F13A1: variants seen among roughly 807,000 people sequenced by gnomAD.
The protein encoded by F13A1 is coagulation factor XIII A chain.
F13A1 carries 47 observed loss-of-function variants against 80.1 expected under a neutral mutation model. That is an observed-to-expected ratio of 0.59 (90% CI 0.46 to 0.75). The LOEUF (loss-of-function observed/expected upper bound fraction) is 0.75. Among genes scored for constraint, F13A1 ranks in the 30% least tolerant of loss-of-function variants. F13A1 has a pLI of 0.00. For synonymous variants in F13A1, 349 were observed against 344.9 expected, an observed-to-expected ratio of 1.01 and a Z score of -0.13; for missense variants, 817 against 930.4, an observed-to-expected ratio of 0.88 and a Z score of 1.59.
At chr6:6,152,135 A>G (rs1217191352) in intron 13 of F13A1, among the ~76,000 whole-genome samples, 186 bp from the exon 14 acceptor site, 1 of 152,196 alleles carries the variant, frequency 6.6e-6, no homozygotes, top group Non-Finnish European at 1.5e-5. Flanking sequence ...ATGGAAATTT[A>G]CTAATTAGAA....
At chr6:6,266,909 T>G in intron 3 of F13A1, 100 bp from the exon 4 acceptor site, 1 of 1,512,960 alleles carries the variant, frequency 6.6e-7, no homozygotes, top group Non-Finnish European at 9.2e-7. Context: ...AGTAATCCAT[T>G]AGAATTATTC....
At chr6:6,147,042 A>G (rs922519303) in intron 14 of F13A1, among the ~76,000 whole-genome samples, 14 of 152,244 alleles carry the variant, frequency 9.2e-5, no homozygotes, top group African/African-American at 3.4e-4. Flanking sequence ...TTCTAAGTGA[A>G]GTAACTCAGG....
At chr6:6,221,763 T>C (rs537640646) in intron 8 of F13A1, among the ~76,000 whole-genome samples, 1 of 152,372 alleles carries the variant, frequency 6.6e-6, no homozygotes, top group South Asian at 2.1e-4. Flanking sequence ...GGAACTAGTA[T>C]AGGCATATGC....
intron 3 of F13A1, among the ~76,000 whole-genome samples, chr6:6,299,853 T>C (rs1291346958): frequency 1.4e-5 from 2 of 148,058 alleles, no homozygotes; most frequent in Non-Finnish European, 2.9e-5. Context: ...AGTTTTTCTG[T>C]TCTGTTTTTT....
chr6:6,303,330 A>G (rs900612016), intron 3 of F13A1, among the ~76,000 whole-genome samples: 18 of 152,340 alleles, frequency 1.2e-4, no homozygotes, highest in African/African-American at 3.8e-4. Flanking sequence ...AGACAACTCA[A>G]AACTCCACTG....
At chr6:6,213,333 G>A (rs1180022892) in intron 8 of F13A1, among the ~76,000 whole-genome samples, 24 of 151,890 alleles carry the variant, frequency 1.6e-4, no homozygotes, top group African/African-American at 2.4e-4. Flanking sequence ...CGGATCTCTC[G>A]GCAGAAACTC....
rs375325264 is a variant in F13A1, at chr6:6,318,596, C to A, written c.69G>T (p.Ala23=). 1.4e-5 allele frequency: 23 copies of A among 1,613,534 alleles called. No individual in the cohort carries two copies. In the South Asian group the frequency reaches 2.5e-4, roughly 18 times the overall value. ...RAVPPNNSNA[A]EDDLPTVELQ... ...GCTCCACTGTGGGCAGGTCATCTTC[C>A]GCTGCATTAGAGTTATTGGGTGGAA... The change falls in exon 2 of 15, where the codon GCG becomes GCT. Residue 23 remains alanine, a synonymous_variant. Coordinates refer to ENST00000264870, the MANE Select transcript of F13A1 (RefSeq NM_000129.4).
chr6:6,200,545 T>C (rs1345837117), intron 8 of F13A1, among the ~76,000 whole-genome samples: 2 of 137,642 alleles, frequency 1.5e-5, no homozygotes, highest in Non-Finnish European at 3.1e-5. Flanking sequence ...AGTGAGACCC[T>C]GTCTAAAAAA....
chr6:6,211,621 T>A (rs1761611777), intron 8 of F13A1, among the ~76,000 whole-genome samples: 1 of 152,106 alleles, frequency 6.6e-6, no homozygotes, highest in Non-Finnish European at 1.5e-5. Context: ...ACTAGATGAG[T>A]CATACACAGC....
At chr6:6,161,961 A>G (rs1028560879) in intron 13 of F13A1, among the ~76,000 whole-genome samples, 2 of 152,280 alleles carry the variant, frequency 1.3e-5, no homozygotes, top group East Asian at 1.9e-4. Flanking sequence ...AAGGGGAATC[A>G]GGTAAGAACA....
chr6:6,292,305 G>A (rs1161633394), intron 3 of F13A1, among the ~76,000 whole-genome samples: 1 of 152,162 alleles, frequency 6.6e-6, no homozygotes, highest in Non-Finnish European at 1.5e-5. Flanking sequence ...GGAAGTGCTA[G>A]CATCTGTCAT....
chr6:6,258,884 C>T (rs1221391931), intron 4 of F13A1, among the ~76,000 whole-genome samples: 1 of 152,170 alleles, frequency 6.6e-6, no homozygotes. Flanking sequence ...AAGCCACTGG[C>T]CAGTCTCTCC....
chr6:6,165,441 A>G (rs1326799161), intron 13 of F13A1, among the ~76,000 whole-genome samples: 2 of 152,192 alleles, frequency 1.3e-5, no homozygotes, highest in Admixed American at 1.3e-4. Context: ...GTGCAATTAA[A>G]TTCTATTTTC....
intron 3 of F13A1, among the ~76,000 whole-genome samples, chr6:6,269,511 G>T (rs537463764): frequency 7.9e-5 from 12 of 151,858 alleles, no homozygotes; most frequent in Non-Finnish European, 1.5e-4. Context: ...AAAAAAAAAG[G>T]GTTGCCATTT....
intron 2 of F13A1, among the ~76,000 whole-genome samples, chr6:6,316,858 T>C (rs775861772): frequency 2.4e-4 from 37 of 151,982 alleles, no homozygotes; most frequent in Non-Finnish European, 5.1e-4. Context: ...GGCACCAATA[T>C]GACTTTCCCA....
chr6:6,258,647 G>T (rs1757735300), intron 4 of F13A1, among the ~76,000 whole-genome samples: 1 of 152,072 alleles, frequency 6.6e-6, no homozygotes, highest in African/African-American at 2.4e-5. Context: ...TGATTACAGG[G>T]CCACACTAAA....
At position 6,298,925 on chromosome 6, in the gene F13A1, CTCTT is replaced by C. The variant is rs1327546061; in HGVS notation, c.319+6422_319+6425del. Among the ~76,000 whole-genome samples the C allele has an allele frequency of 7.5e-4, 112 of 148,494 alleles. 1 individual carries two copies. The highest frequency in any genetic ancestry group is 1.3e-3 in the Non-Finnish European group (91 of 67,882). ...CCATGTTTAGCGCTTCCTTCAGGAG[CTCTT>C]TTAGGGCAGGCCTGGTGGTGACAAA... On this transcript the variant is annotated intron_variant, in intron 3 of 14. Coordinates refer to ENST00000264870, the MANE Select transcript of F13A1 (RefSeq NM_000129.4).
intron 14 of F13A1, among the ~76,000 whole-genome samples, chr6:6,150,446 C>G (rs1478291179): frequency 6.6e-6 from 1 of 152,036 alleles, no homozygotes; most frequent in African/African-American, 2.4e-5. Context: ...AGATTATTTT[C>G]TCTGTTGTTT....
chr6:6,264,393 T>A (rs1370260577), intron 4 of F13A1, among the ~76,000 whole-genome samples: 1 of 152,218 alleles, frequency 6.6e-6, no homozygotes, highest in Admixed American at 6.5e-5. Context: ...AGAAAGTCAA[T>A]AACAAACTCT....
Sources: allele counts gnomAD v4.1 joint callset (sites outside exome capture counted in the v4.1 genomes callset), GRCh38; gene constraint gnomAD v4.1.1; transcripts MANE v1.5; gene names NCBI Gene and HGNC (gene_info 2026-07-23, HGNC 2026-07-21).